The following HSF5 variants were observed in gnomAD, a reference collection of about 807,000 sequenced individuals.
The protein encoded by HSF5 is heat shock factor protein 5.
A neutral mutation model predicts 50.8 loss-of-function variants in HSF5; 5 were observed. That is an observed-to-expected ratio of 0.10 (90% confidence interval 0.05 to 0.21). The LOEUF (loss-of-function observed/expected upper bound fraction) is 0.21. Ranked by LOEUF, HSF5 falls within the 10% of genes least tolerant of loss-of-function variation. The pLI, the probability that HSF5 is intolerant of heterozygous loss-of-function variation, is 1.00. For missense variants in HSF5, 564 were observed against 762.6 expected (o/e 0.74, Z 3.07); for synonymous variants, 307 against 307.4 (o/e 1.00, Z 0.02).
In HSF5 at chr17:58,481,743, T is replaced by C. The variant is rs534985821; in HGVS notation, c.551-1476A>G. On this transcript the variant is annotated intron_variant, in intron 1 of 5. Coordinates refer to ENST00000323777, the MANE Select transcript of HSF5 (RefSeq NM_001080439.3). ...CGCCAGCCACGGTGGCTCATGCCTG[T>C]AATCCCAGCACTTTGGGAGGCCAAG... 2.0e-5 allele frequency among the ~76,000 whole-genome samples: 3 copies of C among 152,368 alleles called. No individual in the cohort carries two copies. In the East Asian group the frequency reaches 5.8e-4, roughly 29 times the overall value.
chr17:58,463,642 C>G (rs982592041), intron 3 of HSF5, among the ~76,000 whole-genome samples: 1 of 152,194 alleles, frequency 6.6e-6, no homozygotes, highest in Non-Finnish European at 1.5e-5. Context: ...TAAAGGCTGA[C>G]AGACAGAAAC....
At chr17:58,430,607 G>A (rs1974350675) in intron 5 of HSF5, among the ~76,000 whole-genome samples, 1 of 152,052 alleles carries the variant, frequency 6.6e-6, no homozygotes, top group Non-Finnish European at 1.5e-5. Context: ...TTGTACTCTG[G>A]GACTTACACC....
intron 2 of HSF5, among the ~76,000 whole-genome samples, chr17:58,468,314 C>G (rs1974898760): frequency 6.6e-6 from 1 of 152,162 alleles, no homozygotes; most frequent in African/African-American, 2.4e-5. Flanking sequence ...GGGAGGATCA[C>G]TTGAGCCCAG....
intron 5 of HSF5, among the ~76,000 whole-genome samples, chr17:58,450,338 C>CAAAAAAA (rs758990551): frequency 3.9e-5 from 2 of 51,938 alleles, no homozygotes; most frequent in African/African-American, 9.2e-5. Context: ...GACTTTGTCT[C>CAAAAAAA]AAAAAAAAAA....
chr17:58,445,013 TA>T (rs1029050579), intron 5 of HSF5, among the ~76,000 whole-genome samples: 5 of 151,062 alleles, frequency 3.3e-5, no homozygotes, highest in South Asian at 4.2e-4. Context: ...CAGAGAAATG[TA>T]AAAAAAAATC....
At chr17:58,463,412 T>G in intron 3 of HSF5, 109 bp from the exon 4 acceptor site, 1 of 828,458 alleles carries the variant, frequency 1.2e-6, no homozygotes, top group Non-Finnish European at 1.9e-6. Context: ...AGATTAAACT[T>G]AAAGATCACT....
chr17:58,446,858 G>C (rs1831123148), intron 5 of HSF5, among the ~76,000 whole-genome samples: 2 of 152,212 alleles, frequency 1.3e-5, no homozygotes, highest in South Asian at 4.1e-4. Context: ...CAGGCACAGT[G>C]GCTCATGCCT....
In HSF5 at chr17:58,487,905, G is replaced by C; in HGVS notation, c.370C>G (p.Leu124Val). 6.2e-7 allele frequency: 1 copy of C among 1,610,926 alleles called. No individual in the cohort carries two copies. The highest frequency in any genetic ancestry group is 8.5e-7 in the Non-Finnish European group (1 of 1,179,328). ...CTGGTGAGGCGCTTGAGGTGCACGA[G>C]CAGCTGTGGCTGGTCGCGGCGGAAG... ...PHFRRDQPQL[L>V]VHLKRLTSAN... The change falls in exon 1 of 6, where the codon CTC (leucine) becomes GTC (valine). Residue 124 changes from leucine (L) to valine (V), a missense_variant. Transcript: ENST00000323777.
rs572337373 is a variant in HSF5 at position 58,462,940 on chromosome 17, A to C, written c.1384T>G (p.Tyr462Asp). The C allele has an allele frequency of 6.2e-6, 10 of 1,614,218 alleles. No individual in the cohort carries two copies. In the South Asian group the frequency reaches 9.9e-5, roughly 16 times the overall value. ...ACAGGCTGAGCTGTGTGGATGGTAT[A>C]GATGTACTCAGGTGACTGTGGTAGA... is the stretch of plus-strand genomic sequence containing the variant. ...CSLPQSPEYI[Y>D]TIHTAQPVEN... The change falls in exon 4 of 6, where the codon TAT becomes GAT. Residue 462 changes from tyrosine (Y) to aspartate (D), a missense_variant. Around this residue, in one of 5 missense-constraint regions of HSF5, gnomAD observed 441 missense variants for 533.6 expected, o/e 0.83. Transcript: ENST00000323777.
chr17:58,444,019 C>A (rs1974527945), intron 5 of HSF5, among the ~76,000 whole-genome samples: 1 of 152,090 alleles, frequency 6.6e-6, no homozygotes, highest in African/African-American at 2.4e-5. Context: ...AGGAATAAAT[C>A]TAACGAATGA....
intron 5 of HSF5, among the ~76,000 whole-genome samples, chr17:58,454,130 C>G (rs1974676620): frequency 6.6e-6 from 1 of 152,062 alleles, no homozygotes; most frequent in Admixed American, 6.6e-5. Flanking sequence ...CCTTTGTTCA[C>G]TTGTTTATCT....
intron 5 of HSF5, among the ~76,000 whole-genome samples, chr17:58,440,453 T>C (rs1279919822): frequency 2.0e-5 from 3 of 152,202 alleles, no homozygotes; most frequent in Admixed American, 1.3e-4. Context: ...GTGACCCCAA[T>C]TGCCTGGTAG....
intron 5 of HSF5, among the ~76,000 whole-genome samples, chr17:58,424,649 GGT>G (rs1285614929): frequency 6.6e-6 from 1 of 151,938 alleles, no homozygotes; most frequent in African/African-American, 2.4e-5. Flanking sequence ...AGCCAGGAGT[GGT>G]GGCACATGCC....
intron 5 of HSF5, among the ~76,000 whole-genome samples, chr17:58,426,511 C>T (rs1974298428): frequency 6.6e-6 from 1 of 152,204 alleles, no homozygotes; most frequent in African/African-American, 2.4e-5. Flanking sequence ...ATTGCATCTA[C>T]TTGTTTGGGA....
chr17:58,484,041 T>G (rs988165354), intron 1 of HSF5, among the ~76,000 whole-genome samples: 3 of 152,200 alleles, frequency 2.0e-5, no homozygotes, highest in African/African-American at 7.2e-5. Context: ...AGTTGTATTC[T>G]TGAATAACTT....
intron 5 of HSF5, among the ~76,000 whole-genome samples, chr17:58,445,263 T>A (rs892078565): frequency 6.6e-6 from 1 of 152,212 alleles, no homozygotes; most frequent in Non-Finnish European, 1.5e-5. Flanking sequence ...ACTGGATACA[T>A]GCAAATGAAA....
At position 58,486,297 on chromosome 17, in the gene HSF5, G is replaced by A. The variant is rs138152535; in HGVS notation, c.550+1428C>T. Among the ~76,000 whole-genome samples the A allele has an allele frequency of 4.8e-3, 728 of 151,580 alleles. 5 individuals are homozygous for A. The highest frequency in any genetic ancestry group is 0.01 in the Middle Eastern group (3 of 290). ...TGAGAATTGCTTGAACCCGAGAGGC[G>A]GAGGTTGTGGTGAGCCGAGATCGCG... On this transcript the variant is annotated intron_variant, in intron 1 of 5. Coordinates refer to ENST00000323777, the MANE Select transcript of HSF5 (RefSeq NM_001080439.3).
Position 58,422,239 on chromosome 17 carries a change from G to T in HSF5, c.*121C>A, listed in dbSNP as rs141023923. On this transcript the variant is annotated 3_prime_UTR_variant, in exon 6 of 6. Transcript: ENST00000323777. ...TCAATTAACAAAATTCTCAATTAAC[G>T]AAACAAAAAATACTTTTTTTTCCTT... 1.8e-4 allele frequency: 126 copies of T among 695,184 alleles called. 1 individual carries two copies. The African/African-American group carries it at 2.2e-3, about 12-fold the overall frequency. The allele number at this position is 695,184 out of a possible 1,614,324, so 43.1% of individuals were successfully genotyped here.
intron 1 of HSF5, among the ~76,000 whole-genome samples, chr17:58,486,971 T>C (rs887937149): frequency 6.9e-6 from 1 of 144,584 alleles, no homozygotes; most frequent in Non-Finnish European, 1.5e-5. Flanking sequence ...GCAGTGGCAC[T>C]ATCTCGGCTT....
Sources: gnomAD v4.1 joint callset for allele counts (sites outside exome capture counted in the v4.1 genomes callset) on GRCh38, gnomAD v4.1.1 for gene constraint, gnomAD v4.1.1 regional missense constraint, MANE v1.5 for transcripts, NCBI Gene and HGNC (gene_info 2026-07-23, HGNC 2026-07-21) for gene names.